The following CGAS variants were observed in gnomAD, a reference collection of about 807,000 sequenced individuals.
CGAS encodes the protein 2'3'-cGAMP synthase.
CGAS carries 31 observed loss-of-function variants against 34.0 expected under a neutral mutation model. The observed-to-expected ratio is 0.91, with a 90% CI of 0.69 to 1.23. The LOEUF (loss-of-function observed/expected upper bound fraction) is 1.23. CGAS is among the 50% of genes most tolerant of loss of function. The pLI is 0.00. For synonymous variants in CGAS, 266 were observed against 260.0 expected, an observed-to-expected ratio of 1.02 and a Z score of -0.22; for missense variants, 597 against 657.6, an observed-to-expected ratio of 0.91 and a Z score of 1.01.
intron 3 of CGAS, among the ~76,000 whole-genome samples, chr6:73,439,506 G>GA (rs971490854): frequency 1.8e-4 from 26 of 145,710 alleles, no homozygotes; most frequent in African/African-American, 4.8e-4. Context: ...AAGAAAGAAA[G>GA]AAAAAAAAAA....
intron 1 of CGAS, among the ~76,000 whole-genome samples, chr6:73,451,185 T>C (rs1303508572): frequency 6.6e-6 from 1 of 152,048 alleles, no homozygotes; most frequent in Non-Finnish European, 1.5e-5. Context: ...TCCAAGTCAA[T>C]ATCTGACTCG....
chr6:73,427,488 C>T (rs767463615), intron 4 of CGAS, among the ~76,000 whole-genome samples: 38 of 151,666 alleles, frequency 2.5e-4, no homozygotes, highest in Non-Finnish European at 5.0e-4. Flanking sequence ...TTAGTAGAGA[C>T]GGGGTTTCGC....
intron 3 of CGAS, among the ~76,000 whole-genome samples, chr6:73,437,669 A>C (rs1449156369): frequency 2.0e-5 from 3 of 152,326 alleles, no homozygotes; most frequent in East Asian, 3.9e-4. Context: ...AGAACAAAAA[A>C]ACTGCAAGTA....
Position 73,440,256 on chromosome 6 carries a change from G to A in CGAS, c.1067C>T (p.Pro356Leu), listed in dbSNP as rs186480105. Residue 356 changes from proline (P) to leucine (L), a missense_variant, in exon 3 of 5, where the codon CCA (proline) becomes CTA (leucine). Physicochemically the swap from Pro to Leu is moderately conservative, Grantham distance 98 (BLOSUM62 -3). Around this residue, in one of 3 missense-constraint regions of CGAS, gnomAD observed 271 missense variants for 324.1 expected, o/e 0.84. Transcript: ENST00000370315. ...AKVRKQLRLK[P>L]FYLVPKHAKE... ...TGCATGCTTGGGTACAAGGTAAAAT[G>A]GCTTTAGTCGTAGTTGCTTCCTAAC... is the stretch of plus-strand genomic sequence containing the variant. 9.3e-6 allele frequency: 15 copies of A among 1,614,096 alleles called. No individual in the cohort carries two copies. Among genetic ancestry groups the A allele is most frequent in the Admixed American group, 8.3e-5 (5 of 59,980 alleles).
intron 4 of CGAS, among the ~76,000 whole-genome samples, chr6:73,427,318 A>ATTT (rs5877365): frequency 2.4e-4 from 33 of 137,584 alleles, no homozygotes; most frequent in Admixed American, 1.0e-3. Context: ...TTATTTATTT[A>ATTT]AGATGGAGTC....
At chr6:73,430,532 T>C (rs553848771) in intron 3 of CGAS, among the ~76,000 whole-genome samples, 16 of 152,188 alleles carry the variant, frequency 1.1e-4, no homozygotes, top group Non-Finnish European at 2.1e-4. Context: ...TCCCAGCTAC[T>C]TGGGAGGCTG....
Position 73,451,929 on chromosome 6 carries a change from G to A in CGAS, c.253C>T (p.Pro85Ser). 2.0e-6 allele frequency: 3 copies of A among 1,503,228 alleles called. No individual in the cohort carries two copies. The highest frequency in any genetic ancestry group is 2.7e-6 in the Non-Finnish European group (3 of 1,123,208). The allele number at this position is 1,503,228 out of a possible 1,614,324, so 93.1% of individuals were successfully genotyped here. A position where few individuals can be genotyped will look rare whatever the true frequency, so the allele number is the denominator to read the frequency against. The part of the protein sequence containing the change: ...RATGARAKKA[P>S]QRAQDTQPSD... ...GGCTGCGTGTCCTGGGCGCGCTGAG[G>A]GGCCTTTTTGGCGCGGGCCCCAGTT... The change falls in exon 1 of 5, where the codon CCT becomes TCT. Residue 85 changes from proline (P) to serine (S), a missense_variant. Pro to Ser is a moderately conservative substitution (Grantham distance 74). This residue lies in a region of CGAS where 321 missense variants were observed against 314.3 expected (regional missense o/e 1.02). Coordinates refer to ENST00000370315, the MANE Select transcript of CGAS (RefSeq NM_138441.3).
chr6:73,426,927 C>T lies in CGAS; in HGVS notation c.1218-1349G>A, dbSNP rs545896376. ...GTGCAGTGGTGTGATCTCAGCTCACCGCAACCTCTGCCTACTGGGTTCAAG... is the reference window on the plus strand; with the variant it reads ...GTGCAGTGGTGTGATCTCAGCTCACTGCAACCTCTGCCTACTGGGTTCAAG... On this transcript the variant is annotated intron_variant, in intron 4 of 4. Coordinates refer to ENST00000370315, the MANE Select transcript of CGAS (RefSeq NM_138441.3). Among the ~76,000 whole-genome samples the T allele has an allele frequency of 5.5e-3, 819 of 148,798 alleles. 7 individuals carry two copies. The highest frequency in any genetic ancestry group is 9.5e-3 in the Non-Finnish European group (633 of 66,906).
At chr6:73,450,747 G>C (rs966229214) in intron 1 of CGAS, among the ~76,000 whole-genome samples, 8 of 152,120 alleles carry the variant, frequency 5.3e-5, no homozygotes, top group African/African-American at 1.7e-4. Context: ...CCAGCACTTT[G>C]AGAGGCCGAG....
rs2150807647 is a variant in CGAS, at chr6:73,424,737, T to C, written c.*490A>G. 1 of 152,516 alleles carries C rather than the reference T, an allele frequency of 6.6e-6. No homozygotes were observed. Among genetic ancestry groups the C allele is most frequent in the South Asian group, 2.1e-4 (1 of 4,836 alleles). The allele number at this position is 152,516 out of a possible 1,614,324, so 9.4% of individuals were successfully genotyped here. ...ACTGAATAATTATTTACATTCATTT[T>C]AGTCAATTATTGCTGTGACAAATTT... On this transcript the variant is annotated 3_prime_UTR_variant, in exon 5 of 5. Transcript: ENST00000370315.
chr6:73,428,141 T>C (rs1382460593), intron 4 of CGAS, among the ~76,000 whole-genome samples: 1 of 151,868 alleles, frequency 6.6e-6, no homozygotes, highest in East Asian at 2.0e-4. Context: ...GGATGATTGC[T>C]TGAGCCCAGG....
At chr6:73,448,616 G>T (rs867871858) in intron 1 of CGAS, among the ~76,000 whole-genome samples, 2 of 151,976 alleles carry the variant, frequency 1.3e-5, no homozygotes, top group African/African-American at 4.8e-5. Flanking sequence ...GTCCCAGGTA[G>T]CTGGGACTAC....
At chr6:73,442,548 A>G (rs1370172821) in intron 2 of CGAS, among the ~76,000 whole-genome samples, 4 of 148,628 alleles carry the variant, frequency 2.7e-5, no homozygotes, top group African/African-American at 1.0e-4. Context: ...CCACAGGCAC[A>G]TGCCACCACT....
At position 73,425,145 on chromosome 6, in the gene CGAS, G is replaced by T; in HGVS notation, c.*82C>A. On this transcript the variant is annotated 3_prime_UTR_variant, in exon 5 of 5. Coordinates refer to ENST00000370315, the MANE Select transcript of CGAS (RefSeq NM_138441.3). ...TGGGATTACAGGTGTGAGCCACAGC[G>T]TCTGGCCCCTTTTCAAATTTTTCTT... 1 of 1,041,718 alleles carries T rather than the reference G, an allele frequency of 9.6e-7. No individual in the cohort carries two copies. Among genetic ancestry groups the T allele is most frequent in the Non-Finnish European group, 1.4e-6 (1 of 729,280 alleles). 64.5% of individuals were successfully genotyped at this position (1,041,718 alleles called of 1,614,324 possible).
At position 73,424,654 on chromosome 6, in the gene CGAS, T is replaced by G. The variant is rs1443092165; in HGVS notation, c.*573A>C. On this transcript the variant is annotated 3_prime_UTR_variant, in exon 5 of 5. Transcript: ENST00000370315. ...TTTGCTTCTTATTCCTTGACTAATC[T>G]TTTTCCTAGGATAGTCAATCCTTTA... The G allele has an allele frequency of 6.6e-6, 1 of 152,138 alleles. No individual in the cohort carries two copies. The highest frequency in any genetic ancestry group is 1.5e-5 in the Non-Finnish European group (1 of 68,034). 9.4% of individuals were successfully genotyped at this position (152,138 alleles called of 1,614,324 possible). A position where few individuals can be genotyped will look rare whatever the true frequency, so the allele number is the denominator to read the frequency against.
intron 1 of CGAS, among the ~76,000 whole-genome samples, chr6:73,450,516 AT>A (rs993928963): frequency 9.2e-5 from 14 of 152,348 alleles, no homozygotes; most frequent in African/African-American, 3.4e-4. Flanking sequence ...TAAACTTTCA[AT>A]TTACACAGGA....
chr6:73,429,317 GA>G (rs959122490), intron 3 of CGAS, among the ~76,000 whole-genome samples: 10 of 149,546 alleles, frequency 6.7e-5, no homozygotes, highest in Non-Finnish European at 1.3e-4. Flanking sequence ...GGGCCTAACC[GA>G]AAAAAAAAGG....
Position 73,445,538 on chromosome 6 carries a change from G to A in CGAS, c.867C>T (p.Asn289=), listed in dbSNP as rs372713930. ...AGGCAAAAGTCTTACCTTTAATGTC[G>A]TTAATTTCTTCCTTAATGATTTTCC... ...KFRKIIKEEI[N]DIKDTDVIMK... The change falls in exon 2 of 5, where the codon AAC becomes AAT. Residue 289 remains asparagine, a synonymous_variant. Coordinates refer to ENST00000370315, the MANE Select transcript of CGAS (RefSeq NM_138441.3). 56 of 1,600,704 alleles carry A rather than the reference G, an allele frequency of 3.5e-5. 1 individual carries two copies. Among genetic ancestry groups the A allele is most frequent in the Non-Finnish European group, 4.3e-5 (50 of 1,175,082 alleles).
At chr6:73,439,216 C>T (rs907569157) in intron 3 of CGAS, among the ~76,000 whole-genome samples, 3 of 151,520 alleles carry the variant, frequency 2.0e-5, no homozygotes, top group Non-Finnish European at 4.4e-5. Flanking sequence ...TGAAAATAAT[C>T]AGCTACTTTC....
Sources: allele counts gnomAD v4.1 joint callset (sites outside exome capture counted in the v4.1 genomes callset), GRCh38; gene constraint gnomAD v4.1.1; regional missense constraint gnomAD v4.1.1; transcripts MANE v1.5; gene names NCBI Gene and HGNC (gene_info 2026-07-23, HGNC 2026-07-21).